The following LRRTM4 variants were observed in gnomAD, a reference collection of about 807,000 sequenced individuals.
LRRTM4 encodes the protein leucine-rich repeat transmembrane neuronal protein 4.
In LRRTM4, 25 loss-of-function variants were observed where a neutral mutation model predicts 47.6. The observed-to-expected ratio is 0.53, with a 90% CI of 0.38 to 0.73. The LOEUF is 0.73. Among genes scored for constraint, LRRTM4 ranks in the 30% least tolerant of loss-of-function variants. LRRTM4 has a pLI of 0.00. For synonymous variants in LRRTM4, 311 were observed against 269.5 expected, an observed-to-expected ratio of 1.15 and a Z score of -1.51; for missense variants, 638 against 713.4, an observed-to-expected ratio of 0.89 and a Z score of 1.20.
intron 3 of LRRTM4, among the ~76,000 whole-genome samples, chr2:76,913,543 A>ATT (rs58615415): frequency 2.7e-4 from 33 of 121,480 alleles, no homozygotes; most frequent in Non-Finnish European, 4.6e-4. Context: ...TCCTATTTCA[A>ATT]TTTTTTTTTT....
intron 3 of LRRTM4, among the ~76,000 whole-genome samples, chr2:77,446,652 A>AT: frequency 6.6e-6 from 1 of 152,052 alleles, no homozygotes. Flanking sequence ...TCTTCCTCTC[A>AT]TTTTATTGAT....
In LRRTM4 at chr2:76,870,625, T is replaced by C. The variant is rs1009664069; in HGVS notation, c.1552-121709A>G. On this transcript the variant is annotated intron_variant, in intron 3 of 3. Transcript: ENST00000409884. ...GCAGGCCTATACCTTTCCTAATATC[T>C]CTACAGCTTTCATTTTTCTCTTCCC... Among the ~76,000 whole-genome samples, 8 of 152,148 alleles carry C rather than the reference T, an allele frequency of 5.3e-5. No individual in the cohort carries two copies. The East Asian group carries it at 1.3e-3, about 26-fold the overall frequency.
intron 3 of LRRTM4, among the ~76,000 whole-genome samples, chr2:76,759,038 T>G (rs1462119927): frequency 6.6e-6 from 1 of 152,166 alleles, no homozygotes; most frequent in East Asian, 1.9e-4. Context: ...TTCATTTGAT[T>G]TTTTTGTTTC....
chr2:77,431,924 A>C (rs1424867750), intron 3 of LRRTM4, among the ~76,000 whole-genome samples: 1 of 151,724 alleles, frequency 6.6e-6, no homozygotes, highest in Admixed American at 6.6e-5. Context: ...AAATACAAAA[A>C]TTAGCCGGGC....
intron 3 of LRRTM4, among the ~76,000 whole-genome samples, chr2:77,327,043 C>T (rs1406307525): frequency 6.6e-6 from 1 of 152,082 alleles, no homozygotes; most frequent in East Asian, 1.9e-4. Flanking sequence ...GTTCTTTAAT[C>T]TGGAGTTTTC....
At chr2:77,119,669 G>A (rs1450950714) in intron 3 of LRRTM4, among the ~76,000 whole-genome samples, 1 of 151,780 alleles carries the variant, frequency 6.6e-6, no homozygotes, top group African/African-American at 2.4e-5. Context: ...AAATCATTTA[G>A]AGAATCGTAA....
At chr2:77,257,785 A>G (rs1464173616) in intron 3 of LRRTM4, among the ~76,000 whole-genome samples, 3 of 151,906 alleles carry the variant, frequency 2.0e-5, no homozygotes, top group Non-Finnish European at 2.9e-5. Context: ...ATTAAGTGAC[A>G]TTTTACTGAA....
At chr2:77,372,578 T>C (rs888954367) in intron 3 of LRRTM4, among the ~76,000 whole-genome samples, 7 of 151,774 alleles carry the variant, frequency 4.6e-5, no homozygotes, top group Admixed American at 6.6e-5. Flanking sequence ...CTAGGCATTG[T>C]GGTCTGGTAA....
intron 3 of LRRTM4, among the ~76,000 whole-genome samples, chr2:76,907,020 C>A (rs1673865735): frequency 6.6e-6 from 1 of 152,090 alleles, no homozygotes; most frequent in African/African-American, 2.4e-5. Context: ...AACTCTCCAC[C>A]CCAAATCAAC....
At chr2:77,003,054 C>A (rs912985643) in intron 3 of LRRTM4, among the ~76,000 whole-genome samples, 1 of 151,954 alleles carries the variant, frequency 6.6e-6, no homozygotes, top group African/African-American at 2.4e-5. Flanking sequence ...AGTGGGTACT[C>A]AGTATAATTT....
chr2:77,338,263 C>G (rs1671238435), intron 3 of LRRTM4, among the ~76,000 whole-genome samples: 1 of 152,040 alleles, frequency 6.6e-6, no homozygotes, highest in African/African-American at 2.4e-5. Flanking sequence ...AACTAAACAG[C>G]TTCTGCACAG....
intron 3 of LRRTM4, among the ~76,000 whole-genome samples, chr2:77,506,856 C>T (rs1166276482): frequency 6.6e-6 from 1 of 151,910 alleles, no homozygotes; most frequent in East Asian, 1.9e-4. Context: ...TAGGAATATA[C>T]TTTCAAAAAC....
intron 3 of LRRTM4, chr2:77,009,276 T>A (rs948766893): frequency 1.3e-5 from 2 of 152,160 alleles, no homozygotes; most frequent in East Asian, 3.9e-4. Context: ...TTGGCGTCTG[T>A]AAGAAATACT....
chr2:77,296,483 T>C (rs570347883), intron 3 of LRRTM4, among the ~76,000 whole-genome samples: 8 of 152,224 alleles, frequency 5.3e-5, no homozygotes, highest in Non-Finnish European at 1.0e-4. Flanking sequence ...TAATTTTATC[T>C]ATGGTACGTT....
At chr2:77,166,067 G>T (rs139108783) in intron 3 of LRRTM4, among the ~76,000 whole-genome samples, 5 of 152,118 alleles carry the variant, frequency 3.3e-5, no homozygotes, top group African/African-American at 1.2e-4. Context: ...AAACTCCATC[G>T]TCTTAGCCCA....
At position 77,518,789 on chromosome 2, in the gene LRRTM4, A is replaced by C. The variant is rs1030563630; in HGVS notation, c.1080T>G (p.Cys360Trp). 6.2e-7 allele frequency: 1 copy of C among 1,612,786 alleles called. No individual in the cohort carries two copies. The highest frequency in any genetic ancestry group is 8.5e-7 in the Non-Finnish European group (1 of 1,179,358). ...VSDAVETYNICSEVQVVNTER... is the reference protein window; with the variant it reads ...VSDAVETYNIWSEVQVVNTER... ...CTGTGTTGACCACCTGGACTTCAGA[A>C]CAGATATTATATGTTTCCACTGCAT... Residue 360 changes from cysteine to tryptophan, a missense_variant, in exon 3 of 4, where the codon TGT (cysteine) becomes TGG (tryptophan). Cys to Trp is a radical substitution (Grantham distance 215). Coordinates refer to ENST00000409884, the MANE Select transcript of LRRTM4 (RefSeq NM_001134745.3).
chr2:77,370,103 G>A (rs944018727), intron 3 of LRRTM4, among the ~76,000 whole-genome samples: 2 of 151,612 alleles, frequency 1.3e-5, no homozygotes, highest in Non-Finnish European at 3.0e-5. Context: ...TCTGACTCGG[G>A]GAAAACCCAA....
intron 3 of LRRTM4, among the ~76,000 whole-genome samples, chr2:77,221,427 C>A (rs1358633007): frequency 3.3e-5 from 5 of 152,148 alleles, no homozygotes; most frequent in Admixed American, 2.0e-4. Context: ...GATAAAGAGT[C>A]AAGACCCATC....
At chr2:77,314,426 A>G (rs1454737126) in intron 3 of LRRTM4, among the ~76,000 whole-genome samples, 1 of 152,220 alleles carries the variant, frequency 6.6e-6, no homozygotes, top group Non-Finnish European at 1.5e-5. Flanking sequence ...ATCTTGATTT[A>G]TAGCCTTTTA....
Sources: allele counts gnomAD v4.1 joint callset (sites outside exome capture counted in the v4.1 genomes callset), GRCh38; gene constraint gnomAD v4.1.1; transcripts MANE v1.5; gene names NCBI Gene and HGNC (gene_info 2026-07-23, HGNC 2026-07-21).